The following CNNM3 variants were observed in gnomAD, a reference collection of about 807,000 sequenced individuals.
The protein encoded by CNNM3 is metal transporter CNNM3.
In CNNM3, 47 loss-of-function variants were observed where a neutral mutation model predicts 57.1. The ratio of observed to expected loss-of-function variants is 0.82; its 90% CI spans 0.65 to 1.05. The LOEUF is 1.05. Among genes scored for constraint, CNNM3 ranks in the 50% least tolerant of loss-of-function variants. The pLI is 0.00. For missense variants in CNNM3, 957 were observed against 973.7 expected, an observed-to-expected ratio of 0.98 and a Z score of 0.23; for synonymous variants, 507 against 478.2, an observed-to-expected ratio of 1.06 and a Z score of -0.79.
chr2:96,827,759 C>G lies in CNNM3; in HGVS notation c.1548C>G (p.Ile516Met). The change falls in exon 4 of 8, where the codon ATC becomes ATG. Residue 516 changes from isoleucine (I) to methionine (M), a missense_variant. Ile to Met is a conservative substitution (Grantham distance 10). Transcript: ENST00000305510. ...TGGATGTATTCAGCCCGCTGCGCAT[C>G]TCTGAGAAGGTCCTGCTGCACCTGT... ...REVDVFSPLR[I>M]SEKVLLHLLK... 6.2e-7 allele frequency: 1 copy of G among 1,614,170 alleles called. No individual in the cohort carries two copies. The highest frequency in any genetic ancestry group is 1.1e-5 in the South Asian group (1 of 91,090).
chr2:96,832,381 G>T (rs1298467286), intron 7 of CNNM3, 171 bp from the exon 8 acceptor site: 3 of 1,491,070 alleles, frequency 2.0e-6, no homozygotes, highest in Admixed American at 4.6e-5. Context: ...GGCATCTGTT[G>T]GCTGACCATC....
intron 1 of CNNM3, among the ~76,000 whole-genome samples, chr2:96,821,830 T>C (rs1258316857): frequency 1.3e-5 from 2 of 152,198 alleles, no homozygotes; most frequent in African/African-American, 4.8e-5. Flanking sequence ...GAATATCTCA[T>C]GTAATTTATT....
intron 7 of CNNM3, chr2:96,831,911 G>A: frequency 1.1e-6 from 1 of 933,450 alleles, no homozygotes; most frequent in Non-Finnish European, 1.3e-6. Context: ...GGAGCCAAGA[G>A]GCACAACCAT....
chr2:96,831,615 A>G (rs1010718359), intron 7 of CNNM3, among the ~76,000 whole-genome samples: 1 of 152,236 alleles, frequency 6.6e-6, no homozygotes, highest in African/African-American at 2.4e-5. Context: ...GACAGAGACT[A>G]TATGACCTAC....
chr2:96,822,692 G>A (rs1007942965), intron 1 of CNNM3, among the ~76,000 whole-genome samples: 25 of 152,166 alleles, frequency 1.6e-4, no homozygotes, highest in Non-Finnish European at 1.5e-5. Flanking sequence ...AAAAGAGTCT[G>A]ACCAGCTCCA....
Position 96,833,163 on chromosome 2 carries a change from T to C in CNNM3, c.*547T>C, listed in dbSNP as rs527774828. ...CCTGATGGTGTCATGTTTCAGCGCA[T>C]GCGCCCCAGCCTTTCCCATGTGCCA... On this transcript the variant is annotated 3_prime_UTR_variant, in exon 8 of 8. Coordinates refer to ENST00000305510, the MANE Select transcript of CNNM3 (RefSeq NM_017623.5). 74 of 505,314 alleles carry C rather than the reference T, an allele frequency of 1.5e-4. No individual in the cohort carries two copies. Among genetic ancestry groups the C allele is most frequent in the African/African-American group, 1.4e-3 (69 of 50,398 alleles). 31.3% of individuals were successfully genotyped at this position (505,314 alleles called of 1,614,324 possible).
rs752990296 is a variant in CNNM3 at position 96,817,417 on chromosome 2, C to T, written c.1140C>T (p.Ser380=). The T allele has an allele frequency of 1.9e-6, 3 of 1,614,166 alleles. No individual in the cohort carries two copies. The highest frequency in any genetic ancestry group is 2.5e-6 in the Non-Finnish European group (3 of 1,180,032). ...FVDPEDCTPL[S]TITRFYNHPL... ...ATCCCGAAGACTGCACGCCGCTCAG[C>T]ACCATCACTCGTTTCTACAACCATC... Residue 380 remains serine (S), a synonymous_variant, in exon 1 of 8, where the codon AGC becomes AGT. Coordinates refer to ENST00000305510, the MANE Select transcript of CNNM3 (RefSeq NM_017623.5).
At chr2:96,821,522 A>G (rs781018450) in intron 1 of CNNM3, among the ~76,000 whole-genome samples, 9 of 152,104 alleles carry the variant, frequency 5.9e-5, no homozygotes, top group Non-Finnish European at 1.0e-4. Context: ...GCGCCCCTCA[A>G]TCAGTGCCAA....
In CNNM3 at chr2:96,816,811, T is replaced by TGCGGCGGCGCGGCGTTTG. The variant is rs1212632125; in HGVS notation, c.536_553dup (p.Ala179_Leu184dup). 6.8e-6 allele frequency: 7 copies of TGCGGCGGCGCGGCGTTTG among 1,026,924 alleles called. No individual in the cohort carries two copies. Among genetic ancestry groups the TGCGGCGGCGCGGCGTTTG allele is most frequent in the Non-Finnish European group, 4.6e-6 (4 of 860,398 alleles). 63.6% of individuals were successfully genotyped at this position (1,026,924 alleles called of 1,614,324 possible). A position where few individuals can be genotyped will look rare whatever the true frequency, so the allele number is the denominator to read the frequency against. On this transcript the variant is annotated inframe_insertion, in exon 1 of 8. Transcript: ENST00000305510. ...GCGAGAGCGGCTCGGAGGCGGAGCG[T>TGCGGCGGCGCGGCGTTTG]GCGGCGGCGCGGCGTTTGGAGCCCG...
intron 7 of CNNM3, among the ~76,000 whole-genome samples, chr2:96,830,371 C>G (rs2079580873): frequency 6.6e-6 from 1 of 152,222 alleles, no homozygotes; most frequent in South Asian, 2.1e-4. Flanking sequence ...GCTGTTCTGC[C>G]TGTTCTACAG....
intron 3 of CNNM3, among the ~76,000 whole-genome samples, chr2:96,827,456 C>T (rs371631036): frequency 3.0e-4 from 46 of 152,004 alleles, no homozygotes; most frequent in African/African-American, 1.0e-3. Flanking sequence ...TTAGTAGAGG[C>T]GGGGTTTTGC....
chr2:96,819,056 G>A (rs1047434397), intron 1 of CNNM3, among the ~76,000 whole-genome samples: 2 of 152,182 alleles, frequency 1.3e-5, no homozygotes, highest in Admixed American at 6.5e-5. Context: ...TGGGTGCTAA[G>A]TTACTGTTAC....
intron 3 of CNNM3, among the ~76,000 whole-genome samples, chr2:96,827,265 CT>C (rs373030542): frequency 5.1e-3 from 691 of 134,728 alleles, no homozygotes; most frequent in Middle Eastern, 7.8e-3. Context: ...CTGCCCAGTT[CT>C]TTTTTTTTTT....
chr2:96,825,750 C>T (rs1246110472), intron 2 of CNNM3, among the ~76,000 whole-genome samples: 2 of 152,146 alleles, frequency 1.3e-5, no homozygotes, highest in East Asian at 1.9e-4. Context: ...AAAATACAAA[C>T]ATTAGCTGGG....
Position 96,816,313 on chromosome 2 carries a change from C to T in CNNM3, c.36C>T (p.Gly12=), listed in dbSNP as rs2079314955. Residue 12 remains glycine, a synonymous_variant, in exon 1 of 8, where the codon GGC becomes GGT. Transcript: ENST00000305510. ...CGGTAGCTGCGGCGGGTCGGTTAGG[C>T]TGGTTGTTCGCCGCGCTCTGCCTGG... is the stretch of plus-strand genomic sequence containing the variant. ...AAAVAAAGRL[G]WLFAALCLGN... is the part of the protein sequence containing the mutation. 2 of 1,290,678 alleles carry T rather than the reference C, an allele frequency of 1.5e-6. No individual in the cohort carries two copies. The highest frequency in any genetic ancestry group is 3.9e-5 in the Admixed American group (1 of 25,328). The allele number at this position is 1,290,678 out of a possible 1,614,324, so 80.0% of individuals were successfully genotyped here.
downstream of CNNM3, among the ~76,000 whole-genome samples, chr2:96,836,214 A>G (rs1375068389): frequency 1.4e-5 from 2 of 146,862 alleles, no homozygotes; most frequent in African/African-American, 5.0e-5. Flanking sequence ...CCCCATGTAG[A>G]TGGGACTATC....
In CNNM3 at chr2:96,833,099, C is replaced by A; in HGVS notation, c.*483C>A. 2.0e-6 allele frequency: 2 copies of A among 996,916 alleles called. No homozygotes were observed. The highest frequency in any genetic ancestry group is 2.8e-6 in the Non-Finnish European group (2 of 726,768). 61.8% of individuals were successfully genotyped at this position (996,916 alleles called of 1,614,324 possible). A position where few individuals can be genotyped will look rare whatever the true frequency, so the allele number is the denominator to read the frequency against. ...AGAGCACCCATTTTGGCTGGGGGTT[C>A]AGATCGATGGCCTTGTCCATGTTGT... On this transcript the variant is annotated 3_prime_UTR_variant, in exon 8 of 8. Transcript: ENST00000305510.
chr2:96,820,122 C>T (rs959410622), intron 1 of CNNM3, among the ~76,000 whole-genome samples: 5 of 152,130 alleles, frequency 3.3e-5, no homozygotes, highest in African/African-American at 9.7e-5. Context: ...TGGACACCAG[C>T]GCAGGGAGAC....
chr2:96,816,281 G>T lies in CNNM3; in HGVS notation c.4G>T (p.Ala2Ser). ...GGCCGAGAGGGGGCAGCAGGCGATG[G>T]CGGCGGCGGTAGCTGCGGCGGGTCG... Reference protein sequence around the residue: MAAAVAAAGRLG... With the variant: MSAAVAAAGRLG... Residue 2 changes from alanine to serine, a missense_variant, in exon 1 of 8, where the codon GCG becomes TCG. Coordinates refer to ENST00000305510, the MANE Select transcript of CNNM3 (RefSeq NM_017623.5). 7.7e-7 allele frequency: 1 copy of T among 1,306,768 alleles called. No individual in the cohort carries two copies. The highest frequency in any genetic ancestry group is 3.0e-5 in the East Asian group (1 of 33,662). The allele number at this position is 1,306,768 out of a possible 1,614,324, so 80.9% of individuals were successfully genotyped here. A position where few individuals can be genotyped will look rare whatever the true frequency, so the allele number is the denominator to read the frequency against.
Sources: gnomAD v4.1 joint callset for allele counts (sites outside exome capture counted in the v4.1 genomes callset) on GRCh38, gnomAD v4.1.1 for gene constraint, MANE v1.5 for transcripts, NCBI Gene and HGNC (gene_info 2026-07-23, HGNC 2026-07-21) for gene names.